Variants in LRP2 observed in about 807,000 individuals in gnomAD.
LRP2 encodes the protein low-density lipoprotein receptor-related protein 2.
A neutral mutation model predicts 531.0 loss-of-function variants in LRP2; 172 were observed. That is an observed-to-expected ratio of 0.32 (90% CI 0.29 to 0.37). The LOEUF (loss-of-function observed/expected upper bound fraction) is 0.37, where lower values mean the gene tolerates loss of function less well. LRP2 is among the 10% of genes least tolerant of loss of function. The pLI is 1.00. For synonymous variants in LRP2, 1,992 were observed against 2,027.6 expected, an observed-to-expected ratio of 0.98 and a Z score of 0.47; for missense variants, 5,167 against 5,868.3, an observed-to-expected ratio of 0.88 and a Z score of 3.90.
chr2:169,261,366 C>T (rs529645452), intron 16 of LRP2, among the ~76,000 whole-genome samples: 1 of 152,042 alleles, frequency 6.6e-6, no homozygotes, highest in East Asian at 1.9e-4. Context: ...ACAGGTCTTA[C>T]CTAGGCTGGA....
intron 1 of LRP2, among the ~76,000 whole-genome samples, chr2:169,351,526 C>T (rs374785530): frequency 0.01 from 1,543 of 152,142 alleles, 32 homozygotes; most frequent in African/African-American, 0.035. Context: ...AGATATAAGA[C>T]GAAGTTCAAA....
At chr2:169,165,461 G>A (rs1213397057) in intron 62 of LRP2, among the ~76,000 whole-genome samples, 1 of 152,174 alleles carries the variant, frequency 6.6e-6, no homozygotes, top group African/African-American at 2.4e-5. Context: ...TTTCAACAAG[G>A]ATATTAGATA....
chr2:169,311,474 G>A (rs1207301443), intron 3 of LRP2, among the ~76,000 whole-genome samples: 2 of 152,182 alleles, frequency 1.3e-5, no homozygotes, highest in Non-Finnish European at 2.9e-5. Context: ...AGTCATTCAG[G>A]AGCAGGTTGT....
At chr2:169,246,003 A>G (rs1288065036) in intron 21 of LRP2, among the ~76,000 whole-genome samples, 1 of 152,102 alleles carries the variant, frequency 6.6e-6, no homozygotes, top group Non-Finnish European at 1.5e-5. Context: ...CCCAAGTACA[A>G]ATTTTTGTAT....
rs1688215976 is a variant in LRP2, at chr2:169,201,898, A to ACC, written c.8210-30_8210-29dup. 3 of 1,613,382 alleles carry ACC rather than the reference A, an allele frequency of 1.9e-6. No individual in the cohort carries two copies. The African/African-American group carries it at 4.0e-5, about 22-fold the overall frequency. ...AAGAACAGGAAAAACATGAGAACAA[A>ACC]CCCTCTTGATTAAAACATTATCCTA... On this transcript the variant is annotated intron_variant, in intron 43 of 78. Coordinates refer to ENST00000649046, the MANE Select transcript of LRP2 (RefSeq NM_004525.3).
At position 169,203,968 on chromosome 2, in the gene LRP2, G is replaced by T. The variant is rs374471253; in HGVS notation, c.8005+14C>A. 1.9e-4 allele frequency: 303 copies of T among 1,613,182 alleles called. No homozygotes were observed. The highest frequency in any genetic ancestry group is 1.5e-4 in the Non-Finnish European group (173 of 1,179,408). ...TTATTCTCCATGTTCTAATTTTCAT[G>T]GTCAGTGCCTTACCTGGTGCACAGA... On this transcript the variant is annotated intron_variant, in intron 42 of 78. Coordinates refer to ENST00000649046, the MANE Select transcript of LRP2 (RefSeq NM_004525.3).
rs75551148 is a variant in LRP2, at chr2:169,200,670, A to G, written c.8452+958T>C. On this transcript the variant is annotated intron_variant, in intron 44 of 78. Transcript: ENST00000649046. Reference sequence around the variant, plus strand: ...CCTTTGTCACCAACTCATTACTCTGAAAATTGACAAGCAAAAGGTATTTAT... The same window carrying G: ...CCTTTGTCACCAACTCATTACTCTGGAAATTGACAAGCAAAAGGTATTTAT... 7.2e-5 allele frequency among the ~76,000 whole-genome samples: 11 copies of G among 152,348 alleles called. No individual in the cohort carries two copies. In the East Asian group the frequency reaches 2.1e-3, roughly 29 times the overall value.
Position 169,177,485 on chromosome 2 carries a change from T to C in LRP2, c.10393+318A>G, listed in dbSNP as rs7565788. Among the ~76,000 whole-genome samples, 114,352 of 151,968 alleles carry C rather than the reference T, an allele frequency of 0.75. 43,217 individuals carry two copies. Among genetic ancestry groups the C allele is most frequent in the South Asian group, 0.85 (4,119 of 4,820 alleles). On this transcript the variant is annotated intron_variant, in intron 53 of 78. Transcript: ENST00000649046. ...TTAATTCCTTTAAAATACTTCAGTCTTCCCATAGAAATAGATGAAGTAAAT... is the reference window on the plus strand; with the variant it reads ...TTAATTCCTTTAAAATACTTCAGTCCTCCCATAGAAATAGATGAAGTAAAT...
At position 169,191,963 on chromosome 2, in the gene LRP2, G is replaced by A. The variant is rs145179638; in HGVS notation, c.8901C>T (p.Pro2967=). Residue 2967 remains proline (P), a synonymous_variant, in exon 48 of 79, where the codon CCC becomes CCT. Transcript: ENST00000649046. ...NDRPPDRRCI[P]QSWVCDGDVD... ...CATCGCCATCACAGACCCAAGACTG[G>A]GGAATGCACCTCCTGTCCGGAGGTC... 6.2e-7 allele frequency: 1 copy of A among 1,613,988 alleles called. No homozygotes were observed. Among genetic ancestry groups the A allele is most frequent in the Non-Finnish European group, 8.5e-7 (1 of 1,180,006 alleles).
At chr2:169,356,754 C>G (rs1188815453) in intron 1 of LRP2, among the ~76,000 whole-genome samples, 1 of 152,202 alleles carries the variant, frequency 6.6e-6, no homozygotes, top group Non-Finnish European at 1.5e-5. Context: ...AAAACAACTA[C>G]TAGCTGATCA....
rs149473050 is a variant in LRP2, at chr2:169,238,118, C to T, written c.4479G>A (p.Ala1493=). Residue 1493 remains alanine (A), a synonymous_variant, in exon 27 of 79, where the codon GCG becomes GCA. Coordinates refer to ENST00000649046, the MANE Select transcript of LRP2 (RefSeq NM_004525.3). ...CTCTTCTGTCCGTTCCATTTTGAAA[C>T]GCACTCCAGGTTTTACCCTGAGTTG... is the stretch of plus-strand genomic sequence containing the variant. ...SDATQGKTWS[A]FQNGTDRRVV... is the part of the protein sequence containing the mutation. 209 of 1,614,084 alleles carry T rather than the reference C, an allele frequency of 1.3e-4. No individual in the cohort carries two copies. Among genetic ancestry groups the T allele is most frequent in the Non-Finnish European group, 1.2e-4 (138 of 1,179,950 alleles).
At chr2:169,342,622 T>C (rs1451146061) in intron 1 of LRP2, among the ~76,000 whole-genome samples, 3 of 152,200 alleles carry the variant, frequency 2.0e-5, no homozygotes, top group Non-Finnish European at 2.9e-5. Flanking sequence ...TCAGTTCAAA[T>C]GGCAATCTGT....
chr2:169,190,202 T>C, intron 48 of LRP2, among the ~76,000 whole-genome samples: 1 of 151,618 alleles, frequency 6.6e-6, no homozygotes, highest in East Asian at 1.9e-4. Flanking sequence ...ATTTATCCAC[T>C]TTAGGTGCAA....
intron 63 of LRP2, 83 bp from the exon 64 acceptor site, chr2:169,157,585 T>C: frequency 6.7e-7 from 1 of 1,481,818 alleles, no homozygotes. Context: ...CACCTACTCG[T>C]AACCAACTAT....
chr2:169,149,949 C>T (rs570187378), intron 68 of LRP2, among the ~76,000 whole-genome samples: 8 of 151,988 alleles, frequency 5.3e-5, no homozygotes, highest in African/African-American at 1.7e-4. Context: ...AAAAATTAAA[C>T]GGCACACTGG....
At chr2:169,278,406 C>A (rs760399983) in intron 12 of LRP2, among the ~76,000 whole-genome samples, 8 of 152,004 alleles carry the variant, frequency 5.3e-5, no homozygotes, top group Non-Finnish European at 1.2e-4. Flanking sequence ...ATTGCTTGAG[C>A]CCAGAAGTTC....
intron 17 of LRP2, among the ~76,000 whole-genome samples, chr2:169,257,836 A>AAAAAC (rs1553504243): frequency 3.5e-5 from 5 of 143,160 alleles, no homozygotes; most frequent in African/African-American, 1.3e-4. Context: ...AAAAAAAAAA[A>AAAAAC]ACACAAAAAA....
At position 169,191,880 on chromosome 2, in the gene LRP2, T is replaced by G; in HGVS notation, c.8984A>C (p.Glu2995Ala). The G allele has an allele frequency of 6.2e-7, 1 of 1,614,146 alleles. No homozygotes were observed. The highest frequency in any genetic ancestry group is 2.2e-5 in the East Asian group (1 of 44,874). The part of the protein sequence containing the change: ...NQNCTRRTCS[E>A]NEFTCGYGLC... ...TCCGTAACCACAGGTGAATTCATTTTCAGAGCAAGTTCTCCTGGTGCAATT... is the reference window on the plus strand; with the variant it reads ...TCCGTAACCACAGGTGAATTCATTTGCAGAGCAAGTTCTCCTGGTGCAATT... The change falls in exon 48 of 79, where the codon GAA becomes GCA. Residue 2995 changes from glutamate (E) to alanine (A), a missense_variant. By Grantham distance (107) the Glu-to-Ala change is moderately radical. Coordinates refer to ENST00000649046, the MANE Select transcript of LRP2 (RefSeq NM_004525.3).
At chr2:169,168,518 C>T (rs1686873436) in intron 61 of LRP2, 21 bp downstream of exon 61, 1 of 1,613,944 alleles carries the variant, frequency 6.2e-7, no homozygotes, top group Non-Finnish European at 8.5e-7. Flanking sequence ...CTCCCATTCA[C>T]TCCGTTTCTC....
Sources: allele counts gnomAD v4.1 joint callset (sites outside exome capture counted in the v4.1 genomes callset), GRCh38; gene constraint gnomAD v4.1.1; transcripts MANE v1.5; gene names NCBI Gene and HGNC (gene_info 2026-07-23, HGNC 2026-07-21).